GOLIM4: variants seen among roughly 807,000 people sequenced by gnomAD.
GOLIM4 encodes golgi integral membrane protein 4.
Under a neutral mutation model 107.4 loss-of-function variants are expected in GOLIM4, and 71 were observed. The observed-to-expected ratio is 0.66, with a 90% confidence interval of 0.55 to 0.81. The LOEUF is 0.81. Among genes scored for constraint, GOLIM4 ranks in the 30% least tolerant of loss-of-function variants. GOLIM4 has a pLI of 0.00. For missense variants in GOLIM4, 830 were observed against 826.1 expected, an observed-to-expected ratio of 1.00 and a Z score of -0.06; for synonymous variants, 327 against 294.8, an observed-to-expected ratio of 1.11 and a Z score of -1.12.
intron 8 of GOLIM4, among the ~76,000 whole-genome samples, chr3:168,034,368 C>A (rs1014398458): frequency 6.6e-6 from 1 of 152,170 alleles, no homozygotes; most frequent in Non-Finnish European, 1.5e-5. Flanking sequence ...AGTAAACTGG[C>A]AGTCTGACAA....
Position 168,014,551 on chromosome 3 carries a change from T to A in GOLIM4, c.1861-3728A>T, listed in dbSNP as rs1191870211. Among the ~76,000 whole-genome samples the A allele has an allele frequency of 2.3e-5, 3 of 129,546 alleles. 1 individual carries two copies. The highest frequency in any genetic ancestry group is 9.2e-5 in the African/African-American group (2 of 21,646). 85.0% of individuals were successfully genotyped at this position (129,546 alleles called of 152,430 possible). A position where few individuals can be genotyped will look rare whatever the true frequency, so the allele number is the denominator to read the frequency against. ...CCTAACTCATTTTATGAGGCCAGCA[T>A]CATTCTGATACAAAGCCAGGCAGAG... On this transcript the variant is annotated intron_variant, in intron 14 of 15. Transcript: ENST00000470487.
At chr3:168,034,548 A>G (rs944605428) in intron 8 of GOLIM4, among the ~76,000 whole-genome samples, 1 of 152,238 alleles carries the variant, frequency 6.6e-6, no homozygotes, top group African/African-American at 2.4e-5. Flanking sequence ...ACTCATATCA[A>G]CTTAATTATT....
rs1722171702 is a variant in GOLIM4 at position 168,095,924 on chromosome 3, T to C, written c.-639A>G. 6.6e-6 allele frequency: 1 copy of C among 152,400 alleles called. No homozygotes were observed. Among genetic ancestry groups the C allele is most frequent in the Non-Finnish European group, 1.5e-5 (1 of 68,188 alleles). The allele number at this position is 152,400 out of a possible 1,614,324, so 9.4% of individuals were successfully genotyped here. A position where few individuals can be genotyped will look rare whatever the true frequency, so the allele number is the denominator to read the frequency against. ...TTACGTGTCACCCACGGCCCGGCTATTCTGGCCAACGGGATTCCGGGAGGA... is the reference window on the plus strand; with the variant it reads ...TTACGTGTCACCCACGGCCCGGCTACTCTGGCCAACGGGATTCCGGGAGGA... On this transcript the variant is annotated 5_prime_UTR_variant, in exon 1 of 16. Transcript: ENST00000470487.
intron 7 of GOLIM4, among the ~76,000 whole-genome samples, chr3:168,040,449 A>T (rs1357309801): frequency 6.6e-6 from 1 of 152,228 alleles, no homozygotes; most frequent in East Asian, 1.9e-4. Context: ...AAAATCCTAC[A>T]GATACTACAC....
intron 14 of GOLIM4, 85 bp from the exon 15 acceptor site, chr3:168,010,908 G>T: frequency 1.1e-6 from 1 of 919,190 alleles, no homozygotes; most frequent in Non-Finnish European, 1.8e-6. Flanking sequence ...ATCATTTAAA[G>T]ACTTGCAATA....
At chr3:168,015,617 A>G in intron 14 of GOLIM4, among the ~76,000 whole-genome samples, 1 of 136,796 alleles carries the variant, frequency 7.3e-6, no homozygotes, top group Admixed American at 6.9e-5. Context: ...AGCCGGAGGC[A>G]TCACACTACC....
rs368136905 is a variant in GOLIM4 at position 168,032,717 on chromosome 3, G to A, written c.979C>T (p.Arg327Cys). 46 of 1,613,808 alleles carry A rather than the reference G, an allele frequency of 2.9e-5. No homozygotes were observed. The highest frequency in any genetic ancestry group is 1.1e-4 in the African/African-American group (8 of 74,816). ...ACCTGATGCTCCTCAGGTTCTCTGC[G>A]TTCCACTTCTTGTTGGATTGGCTCT... ...PPEPIQQEVE[R>C]REPEEHQVEE... The change falls in exon 9 of 16, where the codon CGC (arginine) becomes TGC (cysteine). Residue 327 changes from arginine to cysteine, a missense_variant. Physicochemically the swap from Arg to Cys is radical, Grantham distance 180. Transcript: ENST00000470487.
Position 168,041,491 on chromosome 3 carries a change from A to C in GOLIM4, c.518-17T>G, listed in dbSNP as rs1339118516. Reference sequence around the variant, plus strand: ...ATACAGTCTCTATTTTAGAAAAAGAAGGATCACACATAAAGCCTTGAAACT... The same window carrying C: ...ATACAGTCTCTATTTTAGAAAAAGACGGATCACACATAAAGCCTTGAAACT... On this transcript the variant is annotated splice_polypyrimidine_tract_variant and intron_variant, in intron 5 of 15. Transcript: ENST00000470487. The C allele has an allele frequency of 2.5e-6, 3 of 1,217,452 alleles. No homozygotes were observed. Among genetic ancestry groups the C allele is most frequent in the Non-Finnish European group, 3.6e-6 (3 of 825,226 alleles). 75.4% of individuals were successfully genotyped at this position (1,217,452 alleles called of 1,614,324 possible).
At chr3:168,094,018 A>C (rs1722035391) in intron 1 of GOLIM4, among the ~76,000 whole-genome samples, 1 of 152,208 alleles carries the variant, frequency 6.6e-6, no homozygotes. Context: ...ATCATCAGCA[A>C]AGTCTGCCAA....
chr3:168,011,929 C>A (rs1717062226), intron 14 of GOLIM4, among the ~76,000 whole-genome samples: 1 of 147,188 alleles, frequency 6.8e-6, no homozygotes. Flanking sequence ...GCAGATAAAA[C>A]CACAAAGATG....
At chr3:168,013,166 A>G (rs1184248145) in intron 14 of GOLIM4, among the ~76,000 whole-genome samples, 2 of 151,648 alleles carry the variant, frequency 1.3e-5, no homozygotes, top group East Asian at 1.9e-4. Flanking sequence ...AGAGACACAC[A>G]TAGGCTCAAA....
chr3:168,030,154 A>G, intron 9 of GOLIM4, 118 bp from the exon 10 acceptor site: 2 of 970,670 alleles, frequency 2.1e-6, no homozygotes, highest in Non-Finnish European at 3.0e-6. Flanking sequence ...ACTATTTGTC[A>G]GGTGAACTGT....
chr3:168,061,144 GC>G (rs1720251611), intron 1 of GOLIM4, among the ~76,000 whole-genome samples: 1 of 131,192 alleles, frequency 7.6e-6, no homozygotes, highest in Non-Finnish European at 1.5e-5. Context: ...TTTTAGAGAA[GC>G]AAAAAAAAAA....
Position 168,032,764 on chromosome 3 carries a change from T to A in GOLIM4, c.932A>T (p.Glu311Val). The A allele has an allele frequency of 6.2e-7, 1 of 1,614,060 alleles. No individual in the cohort carries two copies. The highest frequency in any genetic ancestry group is 1.1e-5 in the South Asian group (1 of 91,074). ...DTKLYAPTHK[E>V]AEFQAPPEPI... is the part of the protein sequence containing the mutation. ...CTCTGGGGGAGCCTGAAATTCTGCC[T>A]CCTTATGGGTGGGAGCATAGAGTTT... is the stretch of plus-strand genomic sequence containing the variant. The change falls in exon 9 of 16, where the codon GAG (glutamate) becomes GTG (valine). Residue 311 changes from glutamate (E) to valine (V), a missense_variant. Glu to Val is a moderately radical substitution (Grantham distance 121, BLOSUM62 -2). Transcript: ENST00000470487.
intron 14 of GOLIM4, among the ~76,000 whole-genome samples, chr3:168,023,486 A>C (rs1370378568): frequency 6.6e-6 from 1 of 152,258 alleles, no homozygotes; most frequent in Non-Finnish European, 1.5e-5. Context: ...TTACAAAATC[A>C]GTAAGAACAA....
At chr3:168,077,091 G>A (rs1721116406) in intron 1 of GOLIM4, among the ~76,000 whole-genome samples, 1 of 152,158 alleles carries the variant, frequency 6.6e-6, no homozygotes, top group Non-Finnish European at 1.5e-5. Context: ...TTAAAAGTCT[G>A]TATCACTATA....
At chr3:168,044,698 T>A (rs762975382) in intron 4 of GOLIM4, 130 bp downstream of exon 4, 1 of 604,618 alleles carries the variant, frequency 1.7e-6, no homozygotes, top group Non-Finnish European at 2.9e-6. Flanking sequence ...CAAATAAGAT[T>A]TTAAAATGCC....
chr3:168,088,766 A>T (rs1360426060), intron 1 of GOLIM4, among the ~76,000 whole-genome samples: 1 of 152,204 alleles, frequency 6.6e-6, no homozygotes, highest in African/African-American at 2.4e-5. Context: ...ATATTTAGTC[A>T]GTATTCATTT....
At chr3:168,057,146 G>C (rs936096560) in intron 1 of GOLIM4, among the ~76,000 whole-genome samples, 1 of 152,122 alleles carries the variant, frequency 6.6e-6, no homozygotes, top group Non-Finnish European at 1.5e-5. Context: ...TTAAAAAAAG[G>C]AGTTTCCCTG....
Sources: gnomAD v4.1 joint callset for allele counts (sites outside exome capture counted in the v4.1 genomes callset) on GRCh38, gnomAD v4.1.1 for gene constraint, MANE v1.5 for transcripts, NCBI Gene and HGNC (gene_info 2026-07-23, HGNC 2026-07-21) for gene names.